The following UHRF2 variants were observed in gnomAD, a reference collection of about 807,000 sequenced individuals.
The protein encoded by UHRF2 is ubiquitin like with PHD and ring finger domains 2.
Under a neutral mutation model 96.8 loss-of-function variants are expected in UHRF2, and 23 were observed. That is an observed-to-expected ratio of 0.24 (90% confidence interval 0.17 to 0.34). The LOEUF (loss-of-function observed/expected upper bound fraction) is 0.34, where lower values mean the gene tolerates loss of function less well. Among genes scored for constraint, UHRF2 ranks in the 10% least tolerant of loss-of-function variants. The probability of loss-of-function intolerance (pLI) is 1.00; values close to 1 mark genes in which losing one functional copy is unlikely to be tolerated. For missense variants in UHRF2, 685 were observed against 981.5 expected (o/e 0.70, Z 4.04); for synonymous variants, 385 against 332.6 (o/e 1.16, Z -1.72).
chr9:6,484,045 A>G (rs1824095044), intron 8 of UHRF2, among the ~76,000 whole-genome samples: 1 of 148,310 alleles, frequency 6.7e-6, no homozygotes, highest in Non-Finnish European at 1.5e-5. Context: ...GTTGTCTCCT[A>G]TGCATTTACC....
At chr9:6,487,436 G>A (rs191186854) in intron 9 of UHRF2, among the ~76,000 whole-genome samples, 2 of 151,742 alleles carry the variant, frequency 1.3e-5, no homozygotes, top group African/African-American at 2.4e-5. Flanking sequence ...GCTCAGTCTC[G>A]GCTTACTGCA....
chr9:6,474,032 CTG>C (rs142025293), intron 4 of UHRF2, among the ~76,000 whole-genome samples: 3,788 of 152,118 alleles, frequency 0.025, 163 homozygotes, highest in African/African-American at 0.086. Context: ...ACAGGCAAAA[CTG>C]TTTTAGGGAG....
At chr9:6,441,342 C>G (rs1283370946) in intron 3 of UHRF2, among the ~76,000 whole-genome samples, 4 of 151,704 alleles carry the variant, frequency 2.6e-5, no homozygotes, top group Non-Finnish European at 4.4e-5. Context: ...CCATTGTACT[C>G]CAGCTTGGGT....
intron 2 of UHRF2, among the ~76,000 whole-genome samples, chr9:6,421,598 G>A (rs545049310): frequency 6.6e-6 from 1 of 152,086 alleles, no homozygotes; most frequent in African/African-American, 2.4e-5. Context: ...TGTATTTTTA[G>A]TAGAAACAGG....
At chr9:6,471,321 G>A (rs1352262361) in intron 4 of UHRF2, among the ~76,000 whole-genome samples, 2 of 152,118 alleles carry the variant, frequency 1.3e-5, no homozygotes, top group Non-Finnish European at 2.9e-5. Flanking sequence ...TAATGAATTA[G>A]CTCAGCAAAC....
Position 6,506,224 on chromosome 9 carries a change from T to C in UHRF2, c.*45T>C, listed in dbSNP as rs1173353155. 6.2e-7 allele frequency: 1 copy of C among 1,604,234 alleles called. No homozygotes were observed. ...TTGTTCATGGTGGCTTTTTGGACAA[T>C]AAAGAATCTAAAATGGGTGGGGAGG... On this transcript the variant is annotated 3_prime_UTR_variant, in exon 16 of 16. Transcript: ENST00000276893.
chr9:6,474,113 G>T (rs2130888073), intron 4 of UHRF2, among the ~76,000 whole-genome samples: 1 of 152,296 alleles, frequency 6.6e-6, no homozygotes, highest in South Asian at 2.1e-4. Context: ...TCATTGTGAG[G>T]GGACAAGGTG....
At chr9:6,436,757 A>G (rs1291250393) in intron 3 of UHRF2, among the ~76,000 whole-genome samples, 1 of 152,184 alleles carries the variant, frequency 6.6e-6, no homozygotes, top group African/African-American at 2.4e-5. Context: ...ACCTTAGCAT[A>G]TATTTGGCAA....
chr9:6,450,694 T>G (rs1480771733), intron 3 of UHRF2, among the ~76,000 whole-genome samples: 1 of 152,214 alleles, frequency 6.6e-6, no homozygotes, highest in Non-Finnish European at 1.5e-5. Context: ...TTAACACCTA[T>G]TTTTAACCTA....
intron 3 of UHRF2, among the ~76,000 whole-genome samples, chr9:6,458,535 A>G (rs1427856282): frequency 6.7e-6 from 1 of 149,570 alleles, no homozygotes; most frequent in Non-Finnish European, 1.5e-5. Context: ...GTCTTCTGCT[A>G]GCTTTTGAAT....
At chr9:6,431,262 G>C (rs888802015) in intron 2 of UHRF2, among the ~76,000 whole-genome samples, 1 of 152,112 alleles carries the variant, frequency 6.6e-6, no homozygotes, top group Non-Finnish European at 1.5e-5. Context: ...ATTTCTGTGA[G>C]TGCTTACTCA....
chr9:6,454,477 T>A (rs1446703676), intron 3 of UHRF2, among the ~76,000 whole-genome samples: 1 of 152,232 alleles, frequency 6.6e-6, no homozygotes, highest in Non-Finnish European at 1.5e-5. Context: ...AGCTTATCTT[T>A]GATTCAGTAT....
chr9:6,448,048 G>A (rs910284091), intron 3 of UHRF2, among the ~76,000 whole-genome samples: 5 of 152,170 alleles, frequency 3.3e-5, no homozygotes, highest in South Asian at 2.1e-4. Context: ...GGAGGTAATG[G>A]AAGGAGATGC....
intron 2 of UHRF2, among the ~76,000 whole-genome samples, chr9:6,424,843 C>G (rs1820153726): frequency 6.8e-6 from 1 of 146,882 alleles, no homozygotes; most frequent in Non-Finnish European, 1.5e-5. Flanking sequence ...TTTGTAAAAT[C>G]TCCCCCTGTT....
At chr9:6,494,733 T>A (rs760997421) in intron 10 of UHRF2, 4 of 152,200 alleles carry the variant, frequency 2.6e-5, no homozygotes, top group Non-Finnish European at 5.9e-5. Flanking sequence ...TTTTGTCGAT[T>A]GAGTAAAAGT....
chr9:6,491,429 G>T (rs1356449596), intron 9 of UHRF2, among the ~76,000 whole-genome samples: 1 of 152,200 alleles, frequency 6.6e-6, no homozygotes, highest in African/African-American at 2.4e-5. Context: ...TGTTACACTA[G>T]CAGTGGTACA....
intron 9 of UHRF2, among the ~76,000 whole-genome samples, chr9:6,493,134 C>G (rs1406832463): frequency 6.6e-6 from 1 of 152,002 alleles, no homozygotes; most frequent in African/African-American, 2.4e-5. Context: ...CCCATCTCTA[C>G]TAAAAATACA....
intron 2 of UHRF2, among the ~76,000 whole-genome samples, chr9:6,432,986 A>T (rs1481184477): frequency 6.6e-6 from 1 of 151,952 alleles, no homozygotes; most frequent in Non-Finnish European, 1.5e-5. Flanking sequence ...GATTACAAGC[A>T]TGCTCCACCA....
chr9:6,436,592 A>G (rs530941197), intron 3 of UHRF2, among the ~76,000 whole-genome samples: 1 of 152,354 alleles, frequency 6.6e-6, no homozygotes, highest in African/African-American at 2.4e-5. Context: ...GCAGAATGGC[A>G]CAACATAGAC....
Sources: allele counts gnomAD v4.1 joint callset (sites outside exome capture counted in the v4.1 genomes callset), GRCh38; gene constraint gnomAD v4.1.1; transcripts MANE v1.5; gene names NCBI Gene and HGNC (gene_info 2026-07-23, HGNC 2026-07-21).